Variants in SFMBT2 observed in about 807,000 individuals in gnomAD.
SFMBT2 encodes the protein scm-like with four MBT domains protein 2.
In SFMBT2, 38 loss-of-function variants were observed where a neutral mutation model predicts 110.1. The ratio of observed to expected loss-of-function variants is 0.35; its 90% CI spans 0.27 to 0.45. The LOEUF (loss-of-function observed/expected upper bound fraction) is 0.45, where lower values mean the gene tolerates loss of function less well. Among genes scored for constraint, SFMBT2 ranks in the 20% least tolerant of loss-of-function variants. The pLI, the probability that SFMBT2 is intolerant of heterozygous loss-of-function variation, is 1.00. For missense variants in SFMBT2, 1,011 were observed against 1,094.9 expected, an observed-to-expected ratio of 0.92 and a Z score of 1.08; for synonymous variants, 425 against 425.4, an observed-to-expected ratio of 1.00 and a Z score of 0.01.
chr10:7,192,878 G>C (rs1202150256), intron 15 of SFMBT2, among the ~76,000 whole-genome samples: 8 of 152,100 alleles, frequency 5.3e-5, no homozygotes, highest in Admixed American at 1.3e-4. Context: ...GATTCTGCTG[G>C]TCTACGCCTT....
intron 1 of SFMBT2, among the ~76,000 whole-genome samples, chr10:7,393,318 ACCATGCCCGG>A: frequency 6.6e-6 from 1 of 152,108 alleles, no homozygotes; most frequent in East Asian, 1.9e-4. Context: ...GACATGAGTC[ACCATGCCCGG>A]CCTCATATAT....
At chr10:7,254,078 C>T (rs1840911614) in intron 7 of SFMBT2, among the ~76,000 whole-genome samples, 1 of 152,174 alleles carries the variant, frequency 6.6e-6, no homozygotes, top group Non-Finnish European at 1.5e-5. Flanking sequence ...CTTTAAAAAA[C>T]ATGAAAGATA....
At chr10:7,248,685 G>A (rs1402253479) in intron 7 of SFMBT2, 36 bp from the exon 8 acceptor site, 4 of 1,595,340 alleles carry the variant, frequency 2.5e-6, no homozygotes, top group Non-Finnish European at 3.4e-6. Flanking sequence ...GAAAGCCACG[G>A]TATTGTAAAT....
At chr10:7,270,387 G>T (rs930871892) in intron 7 of SFMBT2, among the ~76,000 whole-genome samples, 17 of 152,162 alleles carry the variant, frequency 1.1e-4, no homozygotes, top group Non-Finnish European at 2.1e-4. Flanking sequence ...TCCAGTCCAT[G>T]GGAATTTGTG....
At chr10:7,232,807 A>G (rs969937357) in intron 9 of SFMBT2, among the ~76,000 whole-genome samples, 2 of 152,188 alleles carry the variant, frequency 1.3e-5, no homozygotes, top group African/African-American at 4.8e-5. Context: ...TCTTTGCCCT[A>G]TTTTAAATGG....
At chr10:7,274,510 C>G (rs1407452971) in intron 7 of SFMBT2, among the ~76,000 whole-genome samples, 1 of 152,114 alleles carries the variant, frequency 6.6e-6, no homozygotes, top group African/African-American at 2.4e-5. Flanking sequence ...AAGGGCCTTC[C>G]CCCTTCATCC....
chr10:7,378,916 A>G (rs939860321), intron 2 of SFMBT2, among the ~76,000 whole-genome samples: 3 of 151,958 alleles, frequency 2.0e-5, no homozygotes, highest in African/African-American at 7.3e-5. Flanking sequence ...AGGGTTTCAG[A>G]GCACCAACTC....
chr10:7,319,381 C>T (rs762722830), intron 4 of SFMBT2, among the ~76,000 whole-genome samples: 5 of 152,158 alleles, frequency 3.3e-5, no homozygotes, highest in African/African-American at 4.8e-5. Context: ...CACAGAGCTG[C>T]AAACACAAGG....
At position 7,163,095 on chromosome 10, in the gene SFMBT2, CCT is replaced by C. The variant is rs1837592414; in HGVS notation, c.*673_*674del. 6.1e-6 allele frequency: 1 copy of C among 164,110 alleles called. No homozygotes were observed. The highest frequency in any genetic ancestry group is 2.4e-5 in the African/African-American group (1 of 41,396). The allele number at this position is 164,110 out of a possible 1,614,324, so 10.2% of individuals were successfully genotyped here. A position where few individuals can be genotyped will look rare whatever the true frequency, so the allele number is the denominator to read the frequency against. The stretch of plus-strand genomic sequence containing the variant: ...TACAACCTGGGCGACAGAGCAAGAC[CCT>C]GTCTCAAAAAACACAACAAAATGAA... On this transcript the variant is annotated 3_prime_UTR_variant, in exon 21 of 21. Transcript: ENST00000397167. The surrounding 1 kb of genome is among the most constrained non-coding windows in gnomAD (Gnocchi z 4.8).
intron 11 of SFMBT2, chr10:7,206,880 T>C (rs1839153600): frequency 2.6e-5 from 26 of 985,274 alleles, no homozygotes; most frequent in Non-Finnish European, 3.0e-5. Flanking sequence ...ACCCATGGAC[T>C]CTGACCCCTT....
intron 17 of SFMBT2, among the ~76,000 whole-genome samples, chr10:7,175,377 T>G (rs527753601): frequency 6.6e-6 from 1 of 152,288 alleles, no homozygotes; most frequent in East Asian, 1.9e-4. Context: ...GGACTGGGGA[T>G]GGAAGAGGCA....
intron 1 of SFMBT2, among the ~76,000 whole-genome samples, chr10:7,402,673 T>G (rs916072692): frequency 9.9e-5 from 15 of 152,162 alleles, no homozygotes; most frequent in African/African-American, 3.6e-4. Flanking sequence ...ACCTTCATAG[T>G]CCCAGACCAA....
chr10:7,330,787 T>G (rs990888238), intron 4 of SFMBT2, among the ~76,000 whole-genome samples: 2 of 152,126 alleles, frequency 1.3e-5, no homozygotes, highest in African/African-American at 4.8e-5. Flanking sequence ...CTATTATACC[T>G]CCACAAAAAC....
chr10:7,227,959 T>A, intron 9 of SFMBT2, 22 bp from the exon 10 acceptor site: 1 of 1,554,770 alleles, frequency 6.4e-7, no homozygotes, highest in Non-Finnish European at 8.7e-7. Flanking sequence ...AAAACACAGA[T>A]AAAACAGCGC....
At chr10:7,274,862 A>C (rs1841718301) in intron 7 of SFMBT2, among the ~76,000 whole-genome samples, 1 of 152,130 alleles carries the variant, frequency 6.6e-6, no homozygotes, top group Admixed American at 6.5e-5. Context: ...CTCCAAAAAA[A>C]AAAAAAATTA....
intron 4 of SFMBT2, among the ~76,000 whole-genome samples, chr10:7,292,949 T>C (rs922834985): frequency 2.6e-5 from 4 of 151,904 alleles, no homozygotes; most frequent in Admixed American, 2.6e-4. Context: ...ATCGTGCCAC[T>C]GTACTCCAGG....
intron 6 of SFMBT2, among the ~76,000 whole-genome samples, chr10:7,278,116 TG>T (rs1841839905): frequency 6.6e-6 from 1 of 152,208 alleles, no homozygotes; most frequent in Non-Finnish European, 1.5e-5. Flanking sequence ...GTGTGTGCAT[TG>T]TCTATAATCC....
chr10:7,310,814 G>A (rs545881156), intron 4 of SFMBT2, among the ~76,000 whole-genome samples: 2 of 152,274 alleles, frequency 1.3e-5, no homozygotes, highest in Middle Eastern at 6.8e-3. Context: ...GGGAGGCCAA[G>A]GTGGGCGGAT....
chr10:7,398,461 C>G (rs1845985589), intron 1 of SFMBT2, among the ~76,000 whole-genome samples: 1 of 152,122 alleles, frequency 6.6e-6, no homozygotes, highest in Non-Finnish European at 1.5e-5. Flanking sequence ...TTTACAATAC[C>G]CAATTAAATA....
Sources: gnomAD v4.1 joint callset for allele counts (sites outside exome capture counted in the v4.1 genomes callset) on GRCh38, gnomAD v4.1.1 for gene constraint, Gnocchi (gnomAD v3.1) non-coding constraint, MANE v1.5 for transcripts, NCBI Gene and HGNC (gene_info 2026-07-23, HGNC 2026-07-21) for gene names.